The following KIAA1328 variants were observed in gnomAD, a reference collection of about 807,000 sequenced individuals.
The protein encoded by KIAA1328 is KIAA1328.
In KIAA1328, 52 loss-of-function variants were observed where a neutral mutation model predicts 68.1. That is an observed-to-expected ratio of 0.76 (90% CI 0.61 to 0.96). The LOEUF (loss-of-function observed/expected upper bound fraction) is 0.96. Among genes scored for constraint, KIAA1328 ranks in the 40% least tolerant of loss-of-function variants. The probability of loss-of-function intolerance (pLI) is 0.00; values close to 1 mark genes in which losing one functional copy is unlikely to be tolerated. For synonymous variants in KIAA1328, 232 were observed against 239.4 expected (o/e 0.97, Z 0.28); for missense variants, 641 against 677.6 (o/e 0.95, Z 0.60).
intron 4 of KIAA1328, among the ~76,000 whole-genome samples, chr18:36,858,644 A>G (rs901013306): frequency 1.3e-5 from 2 of 152,042 alleles, no homozygotes; most frequent in Admixed American, 6.6e-5. Flanking sequence ...ATCTTCCCCA[A>G]TATATATAGC....
chr18:36,965,497 C>A (rs910764031), intron 6 of KIAA1328, among the ~76,000 whole-genome samples: 1 of 100,776 alleles, frequency 9.9e-6, no homozygotes, highest in Non-Finnish European at 2.0e-5. Context: ...TACACACACA[C>A]ACAAAATTAG....
intron 5 of KIAA1328, among the ~76,000 whole-genome samples, chr18:36,926,425 A>G (rs2151129981): frequency 6.7e-6 from 1 of 150,012 alleles, no homozygotes; most frequent in Non-Finnish European, 1.5e-5. Context: ...TTATTTTTGG[A>G]AAGAACACCA....
chr18:37,012,760 G>A (rs1423531083), intron 6 of KIAA1328, among the ~76,000 whole-genome samples: 1 of 152,026 alleles, frequency 6.6e-6, no homozygotes, highest in Non-Finnish European at 1.5e-5. Context: ...TTTTAACATT[G>A]GACTCTTAAA....
downstream of KIAA1328, among the ~76,000 whole-genome samples, chr18:37,227,295 C>G (rs1413757493): frequency 4.6e-5 from 7 of 152,162 alleles, no homozygotes; most frequent in African/African-American, 1.7e-4. Context: ...GGAAGATCTA[C>G]CTAGGATCAT....
chr18:37,196,890 G>A (rs1405617183), intron 9 of KIAA1328, among the ~76,000 whole-genome samples: 3 of 152,070 alleles, frequency 2.0e-5, no homozygotes, highest in Non-Finnish European at 4.4e-5. Context: ...ATTCAGCAGT[G>A]AATACATCAG....
chr18:36,889,480 T>C (rs2048608651), intron 5 of KIAA1328, among the ~76,000 whole-genome samples: 1 of 152,222 alleles, frequency 6.6e-6, no homozygotes, highest in African/African-American at 2.4e-5. Flanking sequence ...TAAAGTCTAA[T>C]GTTTGCTGAC....
chr18:37,102,210 C>T (rs1304203564), intron 7 of KIAA1328, among the ~76,000 whole-genome samples: 2 of 152,128 alleles, frequency 1.3e-5, no homozygotes, highest in African/African-American at 4.8e-5. Context: ...ATATGCAATT[C>T]ACTAAATGTG....
At chr18:37,092,273 C>T (rs908515453) in intron 7 of KIAA1328, among the ~76,000 whole-genome samples, 1 of 152,126 alleles carries the variant, frequency 6.6e-6, no homozygotes, top group Non-Finnish European at 1.5e-5. Context: ...CCTGCTGCCA[C>T]TGGTGCCTGC....
At chr18:36,918,413 CT>C (rs11321724) in intron 5 of KIAA1328, among the ~76,000 whole-genome samples, 81,731 of 103,214 alleles carry the variant, frequency 0.79, 33,265 homozygotes, top group South Asian at 0.93. Context: ...GTTTTTAAGC[CT>C]TTTTTTTTTT....
In KIAA1328 at chr18:36,846,713, C is replaced by G. The variant is rs563830018; in HGVS notation, c.332+2411C>G. On this transcript the variant is annotated intron_variant, in intron 4 of 9. Coordinates refer to ENST00000280020, the MANE Select transcript of KIAA1328 (RefSeq NM_020776.3). The stretch of plus-strand genomic sequence containing the variant: ...TTCTGGCACAACATATAAATGGCCA[C>G]ACAGTATATACTCTTTTACTGTCTT... Among the ~76,000 whole-genome samples, 15 of 151,638 alleles carry G rather than the reference C, an allele frequency of 9.9e-5. No individual in the cohort carries two copies. In the East Asian group the frequency reaches 2.9e-3, roughly 29 times the overall value.
intron 6 of KIAA1328, among the ~76,000 whole-genome samples, chr18:37,018,438 A>C (rs564975922): frequency 3.4e-4 from 51 of 152,142 alleles, no homozygotes; most frequent in African/African-American, 1.2e-3. Context: ...TGACTATTAT[A>C]TACCTTGGTG....
chr18:36,889,850 G>A (rs867958252), intron 5 of KIAA1328, among the ~76,000 whole-genome samples: 3 of 152,106 alleles, frequency 2.0e-5, no homozygotes, highest in Non-Finnish European at 2.9e-5. Context: ...ATTAGATTAT[G>A]CAAGGGTTAG....
intron 7 of KIAA1328, among the ~76,000 whole-genome samples, chr18:37,070,267 A>G (rs1329960803): frequency 1.3e-5 from 2 of 152,114 alleles, no homozygotes; most frequent in African/African-American, 4.8e-5. Context: ...ATGTTCCATG[A>G]TGTTTGAAAA....
intron 6 of KIAA1328, among the ~76,000 whole-genome samples, chr18:37,000,739 C>T (rs1407844736): frequency 3.3e-5 from 5 of 151,738 alleles, no homozygotes; most frequent in Admixed American, 2.0e-4. Flanking sequence ...CCAAGAGGAA[C>T]TCTGGAAACT....
At chr18:37,199,305 G>T (rs763089048) in intron 9 of KIAA1328, among the ~76,000 whole-genome samples, 4 of 152,064 alleles carry the variant, frequency 2.6e-5, no homozygotes, top group Admixed American at 6.6e-5. Context: ...ATGTGTCCAT[G>T]TGTTACCGTT....
chr18:37,104,790 A>G (rs573190272), intron 7 of KIAA1328, among the ~76,000 whole-genome samples: 2 of 152,312 alleles, frequency 1.3e-5, no homozygotes, highest in African/African-American at 4.8e-5. Context: ...ATAAAAAATG[A>G]AAGAACATTT....
At chr18:37,105,154 C>T (rs747647304) in intron 7 of KIAA1328, among the ~76,000 whole-genome samples, 1 of 152,164 alleles carries the variant, frequency 6.6e-6, no homozygotes, top group African/African-American at 2.4e-5. Context: ...GTTTACCCTA[C>T]ACACTCTAGA....
intron 6 of KIAA1328, among the ~76,000 whole-genome samples, chr18:36,992,261 T>G (rs577313909): frequency 6.6e-6 from 1 of 152,270 alleles, no homozygotes; most frequent in South Asian, 2.1e-4. Flanking sequence ...AATTTAATGG[T>G]AGTTGAATTT....
At chr18:36,912,695 C>CTAT (rs2049504050) in intron 5 of KIAA1328, among the ~76,000 whole-genome samples, 1 of 152,130 alleles carries the variant, frequency 6.6e-6, no homozygotes, top group African/African-American at 2.4e-5. Context: ...ATTCCCATTG[C>CTAT]AGCATCATTT....
Sources: allele counts gnomAD v4.1 joint callset (sites outside exome capture counted in the v4.1 genomes callset), GRCh38; gene constraint gnomAD v4.1.1; transcripts MANE v1.5; gene names NCBI Gene and HGNC (gene_info 2026-07-23, HGNC 2026-07-21).